The following NCOA4 variants were observed in gnomAD, a reference collection of about 807,000 sequenced individuals.
NCOA4 encodes nuclear receptor coactivator 4, also known as 70 kDa AR-activator.
NCOA4 carries 31 observed loss-of-function variants against 69.5 expected under a neutral mutation model. That is an observed-to-expected ratio of 0.45 (90% CI 0.34 to 0.60). The LOEUF (loss-of-function observed/expected upper bound fraction) is 0.60. Among genes scored for constraint, NCOA4 ranks in the 20% least tolerant of loss-of-function variants. The pLI, the probability that NCOA4 is intolerant of heterozygous loss-of-function variation, is 0.02. For synonymous variants in NCOA4, 228 were observed against 252.4 expected, an observed-to-expected ratio of 0.90 and a Z score of 0.92; for missense variants, 600 against 719.2, an observed-to-expected ratio of 0.83 and a Z score of 1.90.
chr10:46,027,591 G>C, intron 1 of NCOA4: 1 of 965,888 alleles, frequency 1.0e-6, no homozygotes, highest in South Asian at 1.7e-5. Flanking sequence ...CTAAAAAGTA[G>C]CAAGAAGAGT....
chr10:46,008,066 AC>A (rs1308592241), intron 9 of NCOA4, among the ~76,000 whole-genome samples: 1 of 152,242 alleles, frequency 6.6e-6, no homozygotes, highest in Non-Finnish European at 1.5e-5. Flanking sequence ...TCAGAAAAAA[AC>A]ATTCCTTTCA....
intron 9 of NCOA4, among the ~76,000 whole-genome samples, chr10:46,006,931 T>C (rs1337108910): frequency 6.6e-6 from 1 of 152,182 alleles, no homozygotes; most frequent in Admixed American, 6.5e-5. Context: ...ATAGTCCCCA[T>C]CTCTCACTCT....
In NCOA4 at chr10:46,010,647, T is replaced by G. The variant is rs140614266; in HGVS notation, c.1274A>C (p.Glu425Ala). 3.5e-5 allele frequency: 56 copies of G among 1,614,198 alleles called. 1 individual carries two copies. The African/African-American group carries it at 5.3e-4, about 15-fold the overall frequency. Reference protein sequence around the residue: ...ECVCDENCEKEALYKWLLKKE... With the variant: ...ECVCDENCEKAALYKWLLKKE... ...CTTCAGAAGCCACTTATACAGAGCCTCCTTCTCACAATTCTCATCACACAC... is the reference window on the plus strand; with the variant it reads ...CTTCAGAAGCCACTTATACAGAGCCGCCTTCTCACAATTCTCATCACACAC... Residue 425 changes from glutamate to alanine, a missense_variant, in exon 8 of 10, where the codon GAG (glutamate) becomes GCG (alanine). Transcript: ENST00000581486.
rs1232652600 is a variant in NCOA4, at chr10:46,009,450, T to G, written c.1800A>C (p.Lys600Asn). Residue 600 changes from lysine (K) to asparagine (N), a missense_variant, in exon 9 of 10, where the codon AAA (lysine) becomes AAC (asparagine). By Grantham distance (94) the Lys-to-Asn change is moderately conservative (BLOSUM62 0). Coordinates refer to ENST00000581486, the MANE Select transcript of NCOA4 (RefSeq NM_001145263.2). ...GATATAACCACTTCTCTTTATCAACTTTAAGCTGCATACAGGCAAAGAGAT... is the reference window on the plus strand; with the variant it reads ...GATATAACCACTTCTCTTTATCAACGTTAAGCTGCATACAGGCAAAGAGAT... ...VCDLFACMQL[K>N]VDKEKWLYRT... 1 of 1,613,152 alleles carries G rather than the reference T, an allele frequency of 6.2e-7. No individual in the cohort carries two copies. Among genetic ancestry groups the G allele is most frequent in the Non-Finnish European group, 8.5e-7 (1 of 1,179,988 alleles).
At chr10:46,027,662 ACAT>A in intron 1 of NCOA4, 1 of 608,072 alleles carries the variant, frequency 1.6e-6, no homozygotes. Context: ...CCCAATGCAT[ACAT>A]ACTGGTTGGG....
At chr10:46,009,593 G>A (rs1340112165) in intron 8 of NCOA4, 42 bp from the exon 9 acceptor site, 6 of 1,561,978 alleles carry the variant, frequency 3.8e-6, no homozygotes, top group Non-Finnish European at 5.2e-6. Context: ...TGAAAACAAG[G>A]AGGCATGAGA....
chr10:46,016,056 A>T (rs914872472), intron 2 of NCOA4, among the ~76,000 whole-genome samples: 6 of 152,288 alleles, frequency 3.9e-5, no homozygotes, highest in Non-Finnish European at 8.8e-5. Context: ...AACACACACA[A>T]CAACAAAATA....
At chr10:46,027,016 A>G (rs1371764738) in intron 1 of NCOA4, among the ~76,000 whole-genome samples, 8 of 152,226 alleles carry the variant, frequency 5.3e-5, no homozygotes, top group Admixed American at 5.2e-4. Flanking sequence ...CTGTAATCCC[A>G]AAACTTTGGA....
chr10:46,010,599 C>T lies in NCOA4; in HGVS notation c.1322G>A (p.Gly441Glu), dbSNP rs146205784. ...LLKKEGKDKNGMPVEPKPEPE... is the reference protein window; with the variant it reads ...LLKKEGKDKNEMPVEPKPEPE... ...CTCAGGTTTGGGTTCCACAGGCATC[C>T]CATTTTTATCCTTTCCTTCTTTCTT... Residue 441 changes from glycine to glutamate, a missense_variant, in exon 8 of 10, where the codon GGG becomes GAG. Gly to Glu is a moderately conservative substitution (Grantham distance 98, BLOSUM62 -2). Coordinates refer to ENST00000581486, the MANE Select transcript of NCOA4 (RefSeq NM_001145263.2). 4,187 of 1,614,160 alleles carry T rather than the reference C, an allele frequency of 2.6e-3. 30 individuals carry two copies. Among genetic ancestry groups the T allele is most frequent in the East Asian group, 0.014 (632 of 44,890 alleles).
At position 46,010,724 on chromosome 10, in the gene NCOA4, C is replaced by T. The variant is rs1590153070; in HGVS notation, c.1197G>A (p.Lys399=). The change falls in exon 8 of 10, where the codon AAG becomes AAA. Residue 399 remains lysine (K), a synonymous_variant. Coordinates refer to ENST00000581486, the MANE Select transcript of NCOA4 (RefSeq NM_001145263.2). ...CATTGGCTCTGCACACCTCCTCTAC[C>T]TTACATGGGTCCTGATGGTTCTGGA... The part of the protein sequence containing the change: ...WLVQNHQDPC[K]VEEVCRANEP... 1 of 1,613,986 alleles carries T rather than the reference C, an allele frequency of 6.2e-7. No homozygotes were observed. Among genetic ancestry groups the T allele is most frequent in the South Asian group, 1.1e-5 (1 of 91,072 alleles).
chr10:46,026,164 A>C (rs1373768156), intron 1 of NCOA4, among the ~76,000 whole-genome samples: 2 of 152,250 alleles, frequency 1.3e-5, no homozygotes, highest in African/African-American at 4.8e-5. Context: ...GGCCTGTATT[A>C]ATGCAGGAAG....
At chr10:46,024,109 C>A (rs1840040057) in intron 1 of NCOA4, among the ~76,000 whole-genome samples, 1 of 152,200 alleles carries the variant, frequency 6.6e-6, no homozygotes, top group Middle Eastern at 3.2e-3. Context: ...CCTGCTTTGT[C>A]TGTGATGCAT....
intron 8 of NCOA4, 100 bp downstream of exon 8, chr10:46,010,123 G>A (rs1250250320): frequency 1.3e-5 from 18 of 1,393,100 alleles, no homozygotes; most frequent in East Asian, 9.7e-5. Flanking sequence ...AGCTGAGATC[G>A]CACCACTGCA....
chr10:46,009,341 A>AT (rs1839057426), intron 9 of NCOA4, 70 bp downstream of exon 9: 1 of 1,551,586 alleles, frequency 6.4e-7, no homozygotes, highest in South Asian at 1.1e-5. Context: ...GTATGACTTC[A>AT]TATGTAAGAC....
At position 46,011,143 on chromosome 10, in the gene NCOA4, AG is replaced by A; in HGVS notation, c.777del (p.Trp260GlyfsTer46). The stretch of plus-strand genomic sequence containing the variant: ...CTTGATTTTTCACTCTTGAGGAGCC[AG>A]TTTTCTAAGCCCTTTAGGTTTCCCC... ...NVGGNLKGLE[N>X]WLLKSEKSSY... On this transcript the variant is annotated frameshift_variant, in exon 8 of 10. Coordinates refer to ENST00000581486, the MANE Select transcript of NCOA4 (RefSeq NM_001145263.2). LOFTEE classifies it high-confidence loss of function. 1 of 1,612,622 alleles carries A rather than the reference AG, an allele frequency of 6.2e-7. No individual in the cohort carries two copies. Among genetic ancestry groups the A allele is most frequent in the Non-Finnish European group, 8.5e-7 (1 of 1,179,382 alleles).
At chr10:46,027,429 TACC>T in intron 1 of NCOA4, 1 of 1,551,494 alleles carries the variant, frequency 6.4e-7, no homozygotes, top group Non-Finnish European at 8.7e-7. Flanking sequence ...TATTAATGCC[TACC>T]AGCTAGAGCA....
intron 9 of NCOA4, 157 bp downstream of exon 9, chr10:46,009,254 T>A: frequency 1.3e-6 from 2 of 1,500,118 alleles, no homozygotes; most frequent in Non-Finnish European, 1.8e-6. Context: ...ATACATCAAC[T>A]TTTTATGAGC....
At chr10:46,023,666 T>G (rs969199513) in intron 1 of NCOA4, among the ~76,000 whole-genome samples, 1 of 152,236 alleles carries the variant, frequency 6.6e-6, no homozygotes, top group African/African-American at 2.4e-5. Context: ...GGATGGCACC[T>G]GGGGCTCCTC....
rs7079949 is a variant in NCOA4 at position 46,006,276 on chromosome 10, G to T, written c.*316C>A. 7.6e-6 allele frequency: 3 copies of T among 396,448 alleles called. No individual in the cohort carries two copies. The highest frequency in any genetic ancestry group is 3.9e-5 in the Admixed American group (1 of 25,692). 24.6% of individuals were successfully genotyped at this position (396,448 alleles called of 1,614,324 possible). On this transcript the variant is annotated 3_prime_UTR_variant, in exon 10 of 10. Coordinates refer to ENST00000581486, the MANE Select transcript of NCOA4 (RefSeq NM_001145263.2). Reference sequence around the variant, plus strand: ...AGTGTTTTAATGTACTTTTAGTAACGACCCAATCTAAGGAGCCTTGGAGGC... The same window carrying T: ...AGTGTTTTAATGTACTTTTAGTAACTACCCAATCTAAGGAGCCTTGGAGGC...
Sources: gnomAD v4.1 joint callset for allele counts (sites outside exome capture counted in the v4.1 genomes callset) on GRCh38, gnomAD v4.1.1 for gene constraint, MANE v1.5 for transcripts, NCBI Gene and HGNC (gene_info 2026-07-23, HGNC 2026-07-21) for gene names.